Variants in SEPTIN4 observed in about 807,000 individuals in gnomAD.
SEPTIN4 encodes the protein septin-4.
SEPTIN4 carries 52 observed loss-of-function variants against 107.1 expected under a neutral mutation model. The observed-to-expected ratio is 0.49, with a 90% CI of 0.39 to 0.61. The LOEUF is 0.61. Among genes scored for constraint, SEPTIN4 ranks in the 20% least tolerant of loss-of-function variants. SEPTIN4 has a pLI of 0.00. For synonymous variants in SEPTIN4, 417 were observed against 467.0 expected, an observed-to-expected ratio of 0.89 and a Z score of 1.38; for missense variants, 1,048 against 1,243.5, an observed-to-expected ratio of 0.84 and a Z score of 2.36.
At chr17:58,526,485 C>A (rs1352261379) in intron 4 of SEPTIN4, 172 bp from the exon 5 acceptor site, 1 of 1,391,520 alleles carries the variant, frequency 7.2e-7, no homozygotes, top group African/African-American at 1.5e-5. Context: ...CTTGCTGAAA[C>A]TGCAAATTTC....
intron 3 of SEPTIN4, among the ~76,000 whole-genome samples, chr17:58,535,247 C>A (rs2043669275): frequency 1.3e-5 from 2 of 152,234 alleles, no homozygotes; most frequent in Non-Finnish European, 2.9e-5. Flanking sequence ...GGTGGCAAGG[C>A]TGGGGAACAC....
chr17:58,542,772 T>C lies in SEPTIN4; in HGVS notation c.1415A>G (p.Asp472Gly). The C allele has an allele frequency of 6.2e-7, 1 of 1,614,148 alleles. No homozygotes were observed. Among genetic ancestry groups the C allele is most frequent in the Non-Finnish European group, 8.5e-7 (1 of 1,180,044 alleles). Residue 472 changes from aspartate to glycine, a missense_variant, in exon 1 of 14, where the codon GAT becomes GGT. By Grantham distance (94) the Asp-to-Gly change is moderately conservative. Coordinates refer to ENST00000672673, the MANE Select transcript of SEPTIN4 (RefSeq NM_001368771.2). ...FKIDSSPFCE[D>G]LKFQREKASL... The stretch of plus-strand genomic sequence containing the variant: ...TGCCTTCTCTCTCTGGAACTTCAGA[T>C]CCTCACAGAAAGGGCTAGAGTCTAT...
rs770761656 is a variant in SEPTIN4 at position 58,525,784 on chromosome 17, G to A, written c.2006-3C>T. ...GGATTTGCCCAGGCCAGACTCTCCT[G>A]AGAGGAGAGAGGACAGAGGCACCAA... On this transcript the variant is annotated splice_region_variant and splice_polypyrimidine_tract_variant and intron_variant, in intron 5 of 13. Transcript: ENST00000672673. The A allele has an allele frequency of 6.2e-7, 1 of 1,611,330 alleles. No individual in the cohort carries two copies. Among genetic ancestry groups the A allele is most frequent in the South Asian group, 1.1e-5 (1 of 91,008 alleles).
rs1009414861 is a variant in SEPTIN4, at chr17:58,542,965, G to T, written c.1222C>A (p.Leu408Met). 6.2e-7 allele frequency: 1 copy of T among 1,614,116 alleles called. No homozygotes were observed. Among genetic ancestry groups the T allele is most frequent in the Non-Finnish European group, 8.5e-7 (1 of 1,179,994 alleles). Residue 408 changes from leucine (L) to methionine (M), a missense_variant, in exon 1 of 14, where the codon CTG becomes ATG. By Grantham distance (15) the Leu-to-Met change is conservative. This residue lies in a region of SEPTIN4 where 787 missense variants were observed against 871.8 expected (regional missense o/e 0.90). Transcript: ENST00000672673. ...CGAGGAGGCAAGGGCCTAGGGGTCA[G>T]TTCCAGTTCTGCATGGATGGAGGGC... ...QKPSIHAELELTPRPLPPRSL... is the reference protein window; with the variant it reads ...QKPSIHAELEMTPRPLPPRSL...
rs1023140290 is a variant in SEPTIN4, at chr17:58,544,069, G to A, written c.118C>T (p.Arg40Ter). The A allele has an allele frequency of 6.2e-7, 1 of 1,614,138 alleles. No homozygotes were observed. Among genetic ancestry groups the A allele is most frequent in the Non-Finnish European group, 8.5e-7 (1 of 1,180,042 alleles). The change falls in exon 1 of 14, where the codon CGA (arginine) becomes TGA (stop). Residue 40 changes from arginine to a stop codon, truncating the protein, a stop_gained. Transcript: ENST00000672673. LOFTEE classifies it high-confidence loss of function. Reference sequence around the variant, plus strand: ...GGGTTCAGGGAGACTGCAGCACTTCGATGGCTTGAGGCAAGAACGTACCCA... The same window carrying A: ...GGGTTCAGGGAGACTGCAGCACTTCAATGGCTTGAGGCAAGAACGTACCCA... ...GHGYVLASSH[R>*]SAAVSLNPSH... is the part of the protein sequence containing the mutation.
rs2143970255 is a variant in SEPTIN4, at chr17:58,520,292, GTCTC to G, written c.*130_*133del. 1 of 731,510 alleles carries G rather than the reference GTCTC, an allele frequency of 1.4e-6. No individual in the cohort carries two copies. Among genetic ancestry groups the G allele is most frequent in the South Asian group, 1.7e-5 (1 of 57,258 alleles). The allele number at this position is 731,510 out of a possible 1,614,324, so 45.3% of individuals were successfully genotyped here. ...ATTTATTAAACTTTATTTCCTCTGA[GTCTC>G]TGGGCAGTCAGCAGGGATGTAAGGC... On this transcript the variant is annotated 3_prime_UTR_variant, in exon 14 of 14. Transcript: ENST00000672673.
chr17:58,536,005 GAC>G (rs2043697238), intron 3 of SEPTIN4, among the ~76,000 whole-genome samples: 4 of 152,130 alleles, frequency 2.6e-5, no homozygotes, highest in Admixed American at 2.6e-4. Context: ...CACATACAAA[GAC>G]ACAGATGTTA....
Position 58,544,255 on chromosome 17 carries a change from A to T in SEPTIN4, c.-69T>A, listed in dbSNP as rs182919893. 6 of 1,504,062 alleles carry T rather than the reference A, an allele frequency of 4.0e-6. No homozygotes were observed. The highest frequency in any genetic ancestry group is 2.8e-5 in the African/African-American group (2 of 71,774). 93.2% of individuals were successfully genotyped at this position (1,504,062 alleles called of 1,614,324 possible). A position where few individuals can be genotyped will look rare whatever the true frequency, so the allele number is the denominator to read the frequency against. On this transcript the variant is annotated 5_prime_UTR_variant, in exon 1 of 14. Transcript: ENST00000672673. ...CTGGCTTGTATTCAGGATCCTAATGATGCCTGAATATTTACCCTGTTTTAA... is the reference window on the plus strand; with the variant it reads ...CTGGCTTGTATTCAGGATCCTAATGTTGCCTGAATATTTACCCTGTTTTAA...
rs766138202 is a variant in SEPTIN4, at chr17:58,543,585, G to GC, written c.601dup (p.Ala201GlyfsTer5). On this transcript the variant is annotated frameshift_variant, in exon 1 of 14. Coordinates refer to ENST00000672673, the MANE Select transcript of SEPTIN4 (RefSeq NM_001368771.2). LOFTEE classifies it high-confidence loss of function. ...TCTTTGGATGGGCTCAGTTTGTACT[G>GC]CTTCATCCTTTGGGTAAGACAAAAT... 6.2e-7 allele frequency: 1 copy of GC among 1,614,162 alleles called. No homozygotes were observed. The highest frequency in any genetic ancestry group is 8.5e-7 in the Non-Finnish European group (1 of 1,180,026).
chr17:58,524,943 G>T, intron 7 of SEPTIN4, 135 bp downstream of exon 7: 2 of 1,097,522 alleles, frequency 1.8e-6, no homozygotes, highest in Non-Finnish European at 2.7e-6. Context: ...TGGCTGTCCA[G>T]TAAGGGAAGT....
At position 58,544,016 on chromosome 17, in the gene SEPTIN4, A is replaced by ATGTGCAGCTTCTGATCTTC. The variant is rs752406357; in HGVS notation, c.152_170dup (p.His57GlnfsTer74). ...CTGATGCTGAATGGGGAGTGGTGGG[A>ATGTGCAGCTTCTGATCTTC]TGTGCAGCTTCTGATCTTCGGTGGG... On this transcript the variant is annotated frameshift_variant, in exon 1 of 14. Coordinates refer to ENST00000672673, the MANE Select transcript of SEPTIN4 (RefSeq NM_001368771.2). LOFTEE classifies it high-confidence loss of function. 1 of 1,613,928 alleles carries ATGTGCAGCTTCTGATCTTC rather than the reference A, an allele frequency of 6.2e-7. No homozygotes were observed. The highest frequency in any genetic ancestry group is 8.5e-7 in the Non-Finnish European group (1 of 1,179,942).
intron 3 of SEPTIN4, among the ~76,000 whole-genome samples, chr17:58,537,568 A>G (rs1212609693): frequency 1.3e-5 from 2 of 152,174 alleles, no homozygotes; most frequent in African/African-American, 4.8e-5. Context: ...GTGGTGACTC[A>G]TGCCTGTAAT....
At chr17:58,528,854 A>G (rs2043198384) in intron 3 of SEPTIN4, among the ~76,000 whole-genome samples, 1 of 152,120 alleles carries the variant, frequency 6.6e-6, no homozygotes, top group Non-Finnish European at 1.5e-5. Flanking sequence ...GAAGATCCCT[A>G]GCCCCCATGA....
intron 3 of SEPTIN4, among the ~76,000 whole-genome samples, chr17:58,536,734 T>C (rs1387772371): frequency 6.6e-6 from 1 of 152,170 alleles, no homozygotes; most frequent in Non-Finnish European, 1.5e-5. Context: ...CTCCTGCTGC[T>C]CCCCTAACAG....
At chr17:58,529,004 C>T in intron 3 of SEPTIN4, 1 of 1,321,364 alleles carries the variant, frequency 7.6e-7, no homozygotes, top group East Asian at 2.4e-5. Context: ...TGTCCATCCC[C>T]ACTCCCAGCT....
At position 58,525,146 on chromosome 17, in the gene SEPTIN4, C is replaced by T. The variant is rs775856695; in HGVS notation, c.2148G>A (p.Lys716=). 22 of 1,614,102 alleles carry T rather than the reference C, an allele frequency of 1.4e-5. No individual in the cohort carries two copies. The East Asian group carries it at 4.9e-4, about 36-fold the overall frequency. The change falls in exon 7 of 14, where the codon AAG becomes AAA. Residue 716 remains lysine, a synonymous_variant. Transcript: ENST00000672673. ...ITKHAVDIEE[K]GVRLRLTIVD... Reference sequence around the variant, plus strand: ...CAATGGTGAGCCGCAGCCTCACACCCTTCTCTTCTATGTCCACTGCATGCT... The same window carrying T: ...CAATGGTGAGCCGCAGCCTCACACCTTTCTCTTCTATGTCCACTGCATGCT...
At chr17:58,529,410 G>C in intron 3 of SEPTIN4, 1 of 1,408,638 alleles carries the variant, frequency 7.1e-7, no homozygotes, top group Non-Finnish European at 9.2e-7. Context: ...ACCCTCCAAG[G>C]ACAGCTCAGC....
At chr17:58,525,957 G>C (rs892464931) in intron 5 of SEPTIN4, 176 bp from the exon 6 acceptor site, 2 of 888,246 alleles carry the variant, frequency 2.3e-6, no homozygotes, top group Non-Finnish European at 3.3e-6. Context: ...GGGGGAGCAA[G>C]AGATTGCCCA....
intron 3 of SEPTIN4, chr17:58,529,401 C>T: frequency 7.0e-7 from 1 of 1,422,026 alleles, no homozygotes; most frequent in East Asian, 2.6e-5. Flanking sequence ...TTGGCTCCCA[C>T]CCTCCAAGGA....
Sources: allele counts gnomAD v4.1 joint callset (sites outside exome capture counted in the v4.1 genomes callset), GRCh38; gene constraint gnomAD v4.1.1; regional missense constraint gnomAD v4.1.1; transcripts MANE v1.5; gene names NCBI Gene and HGNC (gene_info 2026-07-23, HGNC 2026-07-21).